PSD3: variants seen among roughly 807,000 people sequenced by gnomAD.
PSD3 encodes the protein pleckstrin and Sec7 domain containing 3.
PSD3 carries 49 observed loss-of-function variants against 105.5 expected under a neutral mutation model. The observed-to-expected ratio is 0.46, with a 90% CI of 0.37 to 0.59. PSD3 has a LOEUF of 0.59. PSD3 is among the 20% of genes least tolerant of loss of function. The pLI, the probability that PSD3 is intolerant of heterozygous loss-of-function variation, is 0.00. For synonymous variants in PSD3, 557 were observed against 457.8 expected, an observed-to-expected ratio of 1.22 and a Z score of -2.77; for missense variants, 1,561 against 1,263.8, an observed-to-expected ratio of 1.24 and a Z score of -3.57.
chr8:18,726,195 G>C (rs1018334604), intron 9 of PSD3, among the ~76,000 whole-genome samples: 1 of 152,176 alleles, frequency 6.6e-6, no homozygotes, highest in African/African-American at 2.4e-5. Context: ...AAAATCATAT[G>C]AATCACTGGC....
intron 1 of PSD3, among the ~76,000 whole-genome samples, chr8:18,978,667 C>T (rs949325521): frequency 5.3e-5 from 8 of 152,138 alleles, no homozygotes; most frequent in African/African-American, 1.9e-4. Context: ...AATGTTCCCA[C>T]ACCTCAACCA....
At chr8:19,006,294 CAAA>C (rs58023537) in intron 1 of PSD3, among the ~76,000 whole-genome samples, 7 of 80,832 alleles carry the variant, frequency 8.7e-5, no homozygotes, top group African/African-American at 2.1e-4. Context: ...AACTCCATCT[CAAA>C]AAAAAAAAAA....
intron 9 of PSD3, among the ~76,000 whole-genome samples, chr8:18,689,162 T>C (rs1408150047): frequency 6.6e-6 from 1 of 152,202 alleles, no homozygotes; most frequent in Non-Finnish European, 1.5e-5. Context: ...CTTTGCTGTG[T>C]CTACTAGGTA....
At chr8:19,042,834 C>A (rs1447891299) in intron 1 of PSD3, among the ~76,000 whole-genome samples, 2 of 152,170 alleles carry the variant, frequency 1.3e-5, no homozygotes, top group African/African-American at 4.8e-5. Context: ...AAAAACTGTA[C>A]TTCCTAAAAA....
intron 11 of PSD3, among the ~76,000 whole-genome samples, chr8:18,601,115 C>A (rs1563365453): frequency 1.3e-5 from 2 of 152,154 alleles, no homozygotes; most frequent in African/African-American, 2.4e-5. Flanking sequence ...AGACATTAAA[C>A]ACAATCATAC....
intron 9 of PSD3, among the ~76,000 whole-genome samples, chr8:18,692,397 C>A (rs1263979298): frequency 4.6e-5 from 7 of 152,076 alleles, no homozygotes; most frequent in Admixed American, 4.6e-4. Flanking sequence ...ATGGGCCTGG[C>A]CTTAAGGAAG....
At chr8:18,918,571 G>C (rs1163046192) in intron 2 of PSD3, among the ~76,000 whole-genome samples, 1 of 152,190 alleles carries the variant, frequency 6.6e-6, no homozygotes, top group Non-Finnish European at 1.5e-5. Context: ...GGAATGTACT[G>C]AAGGAAGTTT....
chr8:18,911,797 C>T lies in PSD3; in HGVS notation c.130+24237G>A, dbSNP rs1246744101. Among the ~76,000 whole-genome samples, 4 of 152,026 alleles carry T rather than the reference C, an allele frequency of 2.6e-5. No homozygotes were observed. In the South Asian group the frequency reaches 8.3e-4, roughly 32 times the overall value. ...ACAGATACACACACACACTCTACCC[C>T]CCACCACACACATCACTAGTCATCA... On this transcript the variant is annotated intron_variant, in intron 2 of 15. Coordinates refer to ENST00000327040, the MANE Select transcript of PSD3 (RefSeq NM_015310.4).
At position 18,872,071 on chromosome 8, in the gene PSD3, T is replaced by C; in HGVS notation, c.793A>G (p.Ser265Gly). Residue 265 changes from serine (S) to glycine (G), a missense_variant, in exon 3 of 16, where the codon AGT becomes GGT. Transcript: ENST00000327040. ...SSAVTCHSAGSVGFLKEQRSA... is the reference protein window; with the variant it reads ...SSAVTCHSAGGVGFLKEQRSA... Reference sequence around the variant, plus strand: ...CTCTGCTCTTTCAAGAAACCAACACTGCCTGCAGAGTGGCAGGTCACTGCT... The same window carrying C: ...CTCTGCTCTTTCAAGAAACCAACACCGCCTGCAGAGTGGCAGGTCACTGCT... 4 of 1,614,118 alleles carry C rather than the reference T, an allele frequency of 2.5e-6. No homozygotes were observed. The highest frequency in any genetic ancestry group is 3.4e-6 in the Non-Finnish European group (4 of 1,180,024).
intron 1 of PSD3, among the ~76,000 whole-genome samples, chr8:18,994,659 CAGTA>C (rs959595648): frequency 3.3e-5 from 5 of 151,816 alleles, no homozygotes; most frequent in Admixed American, 2.0e-4. Context: ...ATTTCGGACA[CAGTA>C]GGTTAAATAA....
At chr8:18,746,066 T>C (rs73199951) in intron 9 of PSD3, among the ~76,000 whole-genome samples, 7,047 of 152,354 alleles carry the variant, frequency 0.046, 237 homozygotes, top group Admixed American at 0.072. Flanking sequence ...GTTAAATCTT[T>C]GGACCAAACT....
At position 19,038,110 on chromosome 8, in the gene PSD3, A is replaced by G. The variant is rs150849353; in HGVS notation, c.324+46096T>C. On this transcript the variant is annotated intron_variant, in intron 1 of 1. Transcript: ENST00000521475. Reference sequence around the variant, plus strand: ...AGCCCTGTGCAGTGCTTATCAAACCATATCACCTCAGATTGTTGTAATTAT... The same window carrying G: ...AGCCCTGTGCAGTGCTTATCAAACCGTATCACCTCAGATTGTTGTAATTAT... 3.4e-3 allele frequency among the ~76,000 whole-genome samples: 512 copies of G among 152,160 alleles called. 4 individuals are homozygous for G. Among genetic ancestry groups the G allele is most frequent in the African/African-American group, 0.011 (442 of 41,532 alleles).
chr8:18,985,339 T>C (rs930094183), intron 1 of PSD3, among the ~76,000 whole-genome samples: 1 of 152,144 alleles, frequency 6.6e-6, no homozygotes, highest in Non-Finnish European at 1.5e-5. Flanking sequence ...CTCATTAAAA[T>C]GAACAAACAC....
intron 8 of PSD3, among the ~76,000 whole-genome samples, chr8:18,781,682 G>C (rs762602272): frequency 1.3e-5 from 2 of 152,118 alleles, no homozygotes; most frequent in African/African-American, 2.4e-5. Context: ...GCATGGAGAA[G>C]GCCTTTCAGG....
chr8:18,857,324 T>C (rs1045953922), intron 4 of PSD3, among the ~76,000 whole-genome samples: 4 of 152,256 alleles, frequency 2.6e-5, no homozygotes, highest in African/African-American at 9.6e-5. Context: ...CCTGGGAATG[T>C]GTTAAAATGC....
chr8:18,929,586 C>G (rs1821603122), intron 2 of PSD3, among the ~76,000 whole-genome samples: 1 of 152,170 alleles, frequency 6.6e-6, no homozygotes, highest in Non-Finnish European at 1.5e-5. Context: ...CATTCCAGCC[C>G]TCTTCTATAT....
intron 2 of PSD3, among the ~76,000 whole-genome samples, chr8:18,905,602 G>A (rs545692760): frequency 4.2e-4 from 64 of 152,262 alleles, no homozygotes; most frequent in African/African-American, 1.5e-3. Flanking sequence ...GATTATAGGC[G>A]TGAGCCACCA....
intron 9 of PSD3, among the ~76,000 whole-genome samples, chr8:18,672,715 C>A (rs1799851190): frequency 6.6e-6 from 1 of 152,152 alleles, no homozygotes; most frequent in South Asian, 2.1e-4. Context: ...AAGAAAGGAC[C>A]AGCCTTTCAC....
At chr8:18,785,959 C>T (rs771816049) in intron 8 of PSD3, among the ~76,000 whole-genome samples, 11 of 152,308 alleles carry the variant, frequency 7.2e-5, no homozygotes, top group East Asian at 5.8e-4. Flanking sequence ...ACTCGCTTGA[C>T]GCAGGGTTCC....
Sources: gnomAD v4.1 joint callset for allele counts (sites outside exome capture counted in the v4.1 genomes callset) on GRCh38, gnomAD v4.1.1 for gene constraint, MANE v1.5 for transcripts, NCBI Gene and HGNC (gene_info 2026-07-23, HGNC 2026-07-21) for gene names.